Variants in BMPR1B observed in about 807,000 individuals in gnomAD.
BMPR1B encodes the protein bone morphogenetic protein receptor type-1B.
A neutral mutation model predicts 59.1 loss-of-function variants in BMPR1B; 12 were observed. The ratio of observed to expected loss-of-function variants is 0.20; its 90% CI spans 0.13 to 0.33. BMPR1B has a LOEUF of 0.33. BMPR1B is among the 10% of genes least tolerant of loss of function. BMPR1B has a pLI of 1.00. For missense variants in BMPR1B, 550 were observed against 610.9 expected, an observed-to-expected ratio of 0.90 and a Z score of 1.05; for synonymous variants, 237 against 207.3, an observed-to-expected ratio of 1.14 and a Z score of -1.23.
chr4:95,016,349 T>C (rs1469713883), intron 3 of BMPR1B, among the ~76,000 whole-genome samples: 1 of 152,206 alleles, frequency 6.6e-6, no homozygotes, highest in Non-Finnish European at 1.5e-5. Flanking sequence ...TGATCAGTGA[T>C]CAACACATGA....
At position 95,091,453 on chromosome 4, in the gene BMPR1B, A is replaced by C. The variant is rs191939987; in HGVS notation, c.-17-12955A>C. ...AAAAACAGCTGAGCTGTATTAGGCA[A>C]CCACAGTCTGGGCTGCATTTCTTAA... is the stretch of plus-strand genomic sequence containing the variant. On this transcript the variant is annotated intron_variant, in intron 3 of 12. Coordinates refer to ENST00000515059, the MANE Select transcript of BMPR1B (RefSeq NM_001203.3). 123 of 985,328 alleles carry C rather than the reference A, an allele frequency of 1.2e-4. No homozygotes were observed. The African/African-American group carries it at 1.9e-3, about 15-fold the overall frequency. The allele number at this position is 985,328 out of a possible 1,614,324, so 61.0% of individuals were successfully genotyped here.
At chr4:95,109,172 T>C (rs2149270858) in intron 4 of BMPR1B, among the ~76,000 whole-genome samples, 1 of 152,274 alleles carries the variant, frequency 6.6e-6, no homozygotes, top group East Asian at 1.9e-4. Flanking sequence ...ACTATTTTCT[T>C]CAAAGACAAT....
intron 2 of BMPR1B, among the ~76,000 whole-genome samples, chr4:94,891,292 C>T (rs1243783496): frequency 6.6e-6 from 1 of 152,034 alleles, no homozygotes; most frequent in Non-Finnish European, 1.5e-5. Flanking sequence ...CAATCACATC[C>T]TCTTTTGAAT....
chr4:95,146,248 G>A (rs554642637), intron 10 of BMPR1B, among the ~76,000 whole-genome samples: 27 of 152,312 alleles, frequency 1.8e-4, no homozygotes, highest in African/African-American at 6.3e-4. Context: ...ACATGCATAT[G>A]TATTTAAGGG....
intron 1 of BMPR1B, among the ~76,000 whole-genome samples, chr4:94,855,937 G>T (rs1034368431): frequency 6.6e-6 from 1 of 152,150 alleles, no homozygotes; most frequent in Non-Finnish European, 1.5e-5. Flanking sequence ...GTTAGTATTT[G>T]TCAAATGAAA....
intron 1 of BMPR1B, among the ~76,000 whole-genome samples, chr4:94,871,973 G>A (rs1177083057): frequency 1.3e-5 from 2 of 152,170 alleles, no homozygotes; most frequent in Non-Finnish European, 2.9e-5. Context: ...CAATTTCTAA[G>A]GTCGTACCTT....
chr4:95,116,844 T>C (rs1732106925), intron 6 of BMPR1B, among the ~76,000 whole-genome samples: 1 of 152,152 alleles, frequency 6.6e-6, no homozygotes, highest in Non-Finnish European at 1.5e-5. Flanking sequence ...ACAAGATTGA[T>C]TAATAATGAT....
intron 2 of BMPR1B, among the ~76,000 whole-genome samples, chr4:94,989,386 TAA>T (rs532770101): frequency 0.49 from 67,130 of 137,914 alleles, 15,947 homozygotes; most frequent in Non-Finnish European, 0.51. Flanking sequence ...AGACTCCGTC[TAA>T]AAAAAAAAAA....
intron 2 of BMPR1B, among the ~76,000 whole-genome samples, chr4:94,910,008 A>G (rs920056297): frequency 1.3e-5 from 2 of 152,112 alleles, no homozygotes; most frequent in Non-Finnish European, 2.9e-5. Context: ...CTTTCTTGTA[A>G]TATTTAAGAG....
At chr4:95,103,479 T>C (rs575777351) in intron 3 of BMPR1B, 11 of 985,386 alleles carry the variant, frequency 1.1e-5, no homozygotes, top group Non-Finnish European at 1.3e-5. Flanking sequence ...TTACATGGCA[T>C]GTATAAGAGC....
chr4:94,948,037 G>A (rs1216573513), intron 2 of BMPR1B, among the ~76,000 whole-genome samples: 2 of 152,170 alleles, frequency 1.3e-5, no homozygotes, highest in Non-Finnish European at 2.9e-5. Context: ...ATCCTGTGAT[G>A]TGCTTTACAT....
At chr4:94,930,679 A>G (rs944608016) in intron 2 of BMPR1B, among the ~76,000 whole-genome samples, 10 of 152,122 alleles carry the variant, frequency 6.6e-5, no homozygotes, top group African/African-American at 2.4e-4. Context: ...AAGTACCAAT[A>G]CTTTTAAAAA....
intron 4 of BMPR1B, among the ~76,000 whole-genome samples, chr4:95,105,669 A>T (rs1190458749): frequency 2.0e-5 from 3 of 152,012 alleles, no homozygotes; most frequent in African/African-American, 7.2e-5. Flanking sequence ...AAAACAACTT[A>T]TTCTCACCTT....
intron 3 of BMPR1B, among the ~76,000 whole-genome samples, chr4:95,087,777 C>T (rs1457811295): frequency 6.6e-6 from 1 of 152,020 alleles, no homozygotes; most frequent in Non-Finnish European, 1.5e-5. Context: ...GATCTCTCCT[C>T]ATAGTTTGTG....
chr4:94,859,849 G>C (rs533577722), intron 1 of BMPR1B, among the ~76,000 whole-genome samples: 1 of 152,098 alleles, frequency 6.6e-6, no homozygotes, highest in East Asian at 1.9e-4. Flanking sequence ...ATTACTAAAG[G>C]GTGGCATGGT....
At chr4:95,090,069 G>A (rs1026269017) in intron 3 of BMPR1B, among the ~76,000 whole-genome samples, 2 of 151,956 alleles carry the variant, frequency 1.3e-5, no homozygotes, top group Non-Finnish European at 2.9e-5. Flanking sequence ...TGAATACAAG[G>A]GAAAACTATA....
chr4:94,841,877 G>A (rs1187739553), intron 1 of BMPR1B, among the ~76,000 whole-genome samples: 2 of 152,152 alleles, frequency 1.3e-5, no homozygotes, highest in African/African-American at 4.8e-5. Flanking sequence ...ATTTCTTTGT[G>A]TACATTCTAA....
In BMPR1B at chr4:94,793,315, G is replaced by A. The variant is rs867072744; in HGVS notation, c.-183+35247G>A. On this transcript the variant is annotated intron_variant, in intron 1 of 12. Coordinates refer to ENST00000515059, the MANE Select transcript of BMPR1B (RefSeq NM_001203.3). ...AGTTTACTGAGAATGATGATTTCCA[G>A]TTTCATCCATGTCCCTACAAAGGAC... Among the ~76,000 whole-genome samples the A allele has an allele frequency of 6.1e-3, 930 of 151,420 alleles. 10 individuals are homozygous for A. Among genetic ancestry groups the A allele is most frequent in the African/African-American group, 0.017 (685 of 41,234 alleles).
chr4:95,109,011 A>AT (rs1235705363), intron 4 of BMPR1B, among the ~76,000 whole-genome samples: 1 of 151,504 alleles, frequency 6.6e-6, no homozygotes, highest in Non-Finnish European at 1.5e-5. Flanking sequence ...TTGTTTATAT[A>AT]TTTTTTCTCT....
Sources: allele counts gnomAD v4.1 joint callset (sites outside exome capture counted in the v4.1 genomes callset), GRCh38; gene constraint gnomAD v4.1.1; transcripts MANE v1.5; gene names NCBI Gene and HGNC (gene_info 2026-07-23, HGNC 2026-07-21).